Variants in RNF123 observed in about 807,000 individuals in gnomAD.
RNF123 encodes the protein E3 ubiquitin-protein ligase RNF123.
In RNF123, 86 loss-of-function variants were observed where a neutral mutation model predicts 168.5. The observed-to-expected ratio is 0.51, with a 90% CI of 0.43 to 0.61. The LOEUF (loss-of-function observed/expected upper bound fraction) is 0.61, where lower values mean the gene tolerates loss of function less well. Ranked by LOEUF, RNF123 falls within the 20% of genes least tolerant of loss-of-function variation. The pLI, the probability that RNF123 is intolerant of heterozygous loss-of-function variation, is 0.00. For synonymous variants in RNF123, 666 were observed against 689.1 expected, an observed-to-expected ratio of 0.97 and a Z score of 0.52; for missense variants, 1,419 against 1,729.7, an observed-to-expected ratio of 0.82 and a Z score of 3.19.
intron 15 of RNF123, 44 bp downstream of exon 15, chr3:49,700,753 T>C: frequency 6.2e-7 from 1 of 1,600,132 alleles, no homozygotes; most frequent in Non-Finnish European, 8.6e-7. Context: ...TGGGGTGCCC[T>C]CTGGACTCAG....
At chr3:49,714,533 C>A (rs1338232258) in intron 31 of RNF123, among the ~76,000 whole-genome samples, 1 of 152,260 alleles carries the variant, frequency 6.6e-6, no homozygotes, top group Non-Finnish European at 1.5e-5. Context: ...TGACCTCCAG[C>A]CTTGTCCCAG....
chr3:49,708,937 G>A (rs900037116), intron 26 of RNF123, among the ~76,000 whole-genome samples: 26 of 151,910 alleles, frequency 1.7e-4, no homozygotes, highest in African/African-American at 6.0e-4. Flanking sequence ...GTATCATATG[G>A]TAATTCTGTT....
chr3:49,712,457 G>A, intron 26 of RNF123, 22 bp from the exon 27 acceptor site: 2 of 1,612,866 alleles, frequency 1.2e-6, no homozygotes, highest in East Asian at 4.5e-5. Flanking sequence ...CAACCCAGCA[G>A]CACCCCGTGT....
At position 49,699,407 on chromosome 3, in the gene RNF123, G is replaced by A; in HGVS notation, c.765-61G>A. Reference sequence around the variant, plus strand: ...CAGGCCCCGGGGTGGGGGGTGGGCAGTGGAGAGGGAGTAGGCATGTCTGAG... The same window carrying A: ...CAGGCCCCGGGGTGGGGGGTGGGCAATGGAGAGGGAGTAGGCATGTCTGAG... On this transcript the variant is annotated intron_variant, in intron 10 of 38. Transcript: ENST00000327697. This position sits in a 1 kb window ranked among gnomAD's most constrained non-coding sequence, Gnocchi z 4.8. The A allele has an allele frequency of 7.1e-7, 1 of 1,409,054 alleles. No homozygotes were observed. Among genetic ancestry groups the A allele is most frequent in the Non-Finnish European group, 9.8e-7 (1 of 1,020,060 alleles). The allele number at this position is 1,409,054 out of a possible 1,614,324, so 87.3% of individuals were successfully genotyped here.
rs2080315102 is a variant in RNF123 at position 49,718,847 on chromosome 3, G to T, written c.3501-1664G>T. 6.2e-7 allele frequency: 1 copy of T among 1,613,460 alleles called. No homozygotes were observed. The highest frequency in any genetic ancestry group is 8.5e-7 in the Non-Finnish European group (1 of 1,180,042). On this transcript the variant is annotated intron_variant, in intron 35 of 38. Coordinates refer to ENST00000327697, the MANE Select transcript of RNF123 (RefSeq NM_022064.5). ...TAGAGGCCGTTCTTGAGGAAGGCCG[G>T]CAGCGCGGCCAGCTCAGGTACGGAG...
chr3:49,699,064 C>T lies in RNF123; in HGVS notation c.723C>T (p.Phe241=). Reference sequence around the variant, plus strand: ...ACTTCCCAGCCATCAGCCTCTCTTTCAAGGAGTCCGTGGCCTTCAACTTTG... The same window carrying T: ...ACTTCCCAGCCATCAGCCTCTCTTTTAAGGAGTCCGTGGCCTTCAACTTTG... ...MAYFPAISLS[F]KESVAFNFGS... The change falls in exon 10 of 39, where the codon TTC becomes TTT. Residue 241 remains phenylalanine, a synonymous_variant. Transcript: ENST00000327697. This position sits in a 1 kb window ranked among gnomAD's most constrained non-coding sequence, Gnocchi z 4.8. 1 of 1,613,908 alleles carries T rather than the reference C, an allele frequency of 6.2e-7. No homozygotes were observed. The highest frequency in any genetic ancestry group is 1.3e-5 in the African/African-American group (1 of 75,058).
At chr3:49,704,624 G>C in intron 21 of RNF123, 26 bp from the exon 22 acceptor site, 1 of 1,591,704 alleles carries the variant, frequency 6.3e-7, no homozygotes, top group Non-Finnish European at 8.6e-7. Flanking sequence ...CCACTGGCCT[G>C]AGAACCCTCC....
chr3:49,697,863 A>C (rs758014120), intron 5 of RNF123, 22 bp from the exon 6 acceptor site: 5 of 1,613,834 alleles, frequency 3.1e-6, no homozygotes, highest in Admixed American at 1.7e-5. Context: ...GAGCTAGCCC[A>C]CCACCCCTCT....
rs757351286 is a variant in RNF123, at chr3:49,721,389, TCTC to T, written c.*87_*89del. On this transcript the variant is annotated 3_prime_UTR_variant, in exon 39 of 39. Coordinates refer to ENST00000327697, the MANE Select transcript of RNF123 (RefSeq NM_022064.5). ...CCTATTTATGAGCTCCCTTTGCCCT[TCTC>T]CTGTATCCCACACCACCACATCCAA... 1.7e-5 allele frequency: 27 copies of T among 1,560,788 alleles called. No individual in the cohort carries two copies. In the Admixed American group the frequency reaches 4.3e-4, roughly 25 times the overall value.
chr3:49,689,668 G>A (rs138638527), intron 1 of RNF123, 62 bp downstream of exon 1: 1,617 of 152,546 alleles, frequency 0.011, 19 homozygotes, highest in Non-Finnish European at 0.017. Context: ...TCGCGGTCCG[G>A]GCTAGTCCAG....
Position 49,719,225 on chromosome 3 carries a change from A to T in RNF123, c.3501-1286A>T, listed in dbSNP as rs1176301654. The T allele has an allele frequency of 3.7e-6, 6 of 1,612,998 alleles. No individual in the cohort carries two copies. The East Asian group carries it at 1.1e-4, about 30-fold the overall frequency. On this transcript the variant is annotated intron_variant, in intron 35 of 38. Coordinates refer to ENST00000327697, the MANE Select transcript of RNF123 (RefSeq NM_022064.5). ...GCGCGCAGCTGGAAGAGGGGCGCCAACCAGCCGGGGCGCAGGCGCTGGAGC... is the reference window on the plus strand; with the variant it reads ...GCGCGCAGCTGGAAGAGGGGCGCCATCCAGCCGGGGCGCAGGCGCTGGAGC...
intron 25 of RNF123, 107 bp from the exon 26 acceptor site, chr3:49,706,684 T>C (rs2054527022): frequency 1.1e-6 from 1 of 938,666 alleles, no homozygotes; most frequent in South Asian, 1.4e-5. Flanking sequence ...CCCAATCCCT[T>C]GCCTGCTCCA....
Position 49,699,255 on chromosome 3 carries a change from CTT to C in RNF123, c.764+152_764+153del. Reference sequence around the variant, plus strand: ...GGGCCATGTAGAGTGTCGAAGAAAACTTTCCTCGCAGCAGCCTGGTTGGTTGG... The same window carrying C: ...GGGCCATGTAGAGTGTCGAAGAAAACTCCTCGCAGCAGCCTGGTTGGTTGG... On this transcript the variant is annotated intron_variant, in intron 10 of 38. Coordinates refer to ENST00000327697, the MANE Select transcript of RNF123 (RefSeq NM_022064.5). The surrounding 1 kb of genome is among the most constrained non-coding windows in gnomAD (Gnocchi z 4.8). 1 of 1,203,634 alleles carries C rather than the reference CTT, an allele frequency of 8.3e-7. No homozygotes were observed. Among genetic ancestry groups the C allele is most frequent in the Non-Finnish European group, 1.1e-6 (1 of 871,482 alleles). The allele number at this position is 1,203,634 out of a possible 1,614,324, so 74.6% of individuals were successfully genotyped here.
intron 35 of RNF123, chr3:49,720,300 A>AG: frequency 2.5e-6 from 1 of 403,760 alleles, no homozygotes; most frequent in Non-Finnish European, 4.3e-6. Flanking sequence ...TGGGCAACAG[A>AG]GCGAGACTCG....
In RNF123 at chr3:49,697,304, C is replaced by A. The variant is rs1211988147; in HGVS notation, c.248-59C>A. The A allele has an allele frequency of 4.4e-6, 7 of 1,586,436 alleles. No homozygotes were observed. The Admixed American group carries it at 1.0e-4, about 23-fold the overall frequency. ...CTGGAGACGTCTGGTGAGCTCAGGA[C>A]ACCCTATGCATCCTGTCAAATGCTC... On this transcript the variant is annotated intron_variant, in intron 4 of 38. Transcript: ENST00000327697.
At chr3:49,698,413 G>C (rs549566832) in intron 7 of RNF123, 27 bp from the exon 8 acceptor site, 1 of 1,601,388 alleles carries the variant, frequency 6.2e-7, no homozygotes, top group South Asian at 1.1e-5. Context: ...TGCCTCACCA[G>C]GGACCTCATA....
In RNF123 at chr3:49,720,843, G is replaced by C; in HGVS notation, c.3687G>C (p.Gln1229His). ...CCGATGAGCTGGCCCAAGTGGAACA[G>C]ATGCTGGCGCACCTGACCTCTGCAT... is the stretch of plus-strand genomic sequence containing the variant. The part of the protein sequence containing the change: ...ISADELAQVE[Q>H]MLAHLTSASA... The change falls in exon 37 of 39, where the codon CAG (glutamine) becomes CAC (histidine). Residue 1229 changes from glutamine to histidine, a missense_variant. Gln to His is a conservative substitution (Grantham distance 24). Around this residue, in one of 5 missense-constraint regions of RNF123, gnomAD observed 164 missense variants for 152.3 expected, o/e 1.08. Transcript: ENST00000327697. 6.2e-7 allele frequency: 1 copy of C among 1,614,206 alleles called. No individual in the cohort carries two copies.
chr3:49,719,613 C>A, intron 35 of RNF123: 1 of 664,176 alleles, frequency 1.5e-6, no homozygotes, highest in Non-Finnish European at 2.6e-6. Context: ...ACGGCCCCTA[C>A]TCTCCGGTTC....
At position 49,700,666 on chromosome 3, in the gene RNF123, C is replaced by T; in HGVS notation, c.1234C>T (p.Leu412=). 1 of 1,614,236 alleles carries T rather than the reference C, an allele frequency of 6.2e-7. No homozygotes were observed. Among genetic ancestry groups the T allele is most frequent in the Non-Finnish European group, 8.5e-7 (1 of 1,180,050 alleles). Residue 412 remains leucine, a synonymous_variant, in exon 15 of 39, where the codon CTG becomes TTG. Coordinates refer to ENST00000327697, the MANE Select transcript of RNF123 (RefSeq NM_022064.5). ...TTACCTGCGGCTCACTATCGCCATCCTGAGGCATGAGAAGTCCCGCAAGTT... is the reference window on the plus strand; with the variant it reads ...TTACCTGCGGCTCACTATCGCCATCTTGAGGCATGAGAAGTCCCGCAAGTT... ...IHYLRLTIAI[L]RHEKSRKFLL...
Sources: gnomAD v4.1 joint callset for allele counts (sites outside exome capture counted in the v4.1 genomes callset) on GRCh38, gnomAD v4.1.1 for gene constraint, gnomAD v4.1.1 regional missense constraint, Gnocchi (gnomAD v3.1) non-coding constraint, MANE v1.5 for transcripts, NCBI Gene and HGNC (gene_info 2026-07-23, HGNC 2026-07-21) for gene names.